CAMK1D: variants seen among roughly 807,000 people sequenced by gnomAD.
CAMK1D encodes the protein calcium/calmodulin-dependent protein kinase type 1D.
CAMK1D carries 9 observed loss-of-function variants against 47.7 expected under a neutral mutation model. The observed-to-expected ratio is 0.19, with a 90% CI of 0.11 to 0.33. The LOEUF is 0.33. Ranked by LOEUF, CAMK1D falls within the 10% of genes least tolerant of loss-of-function variation. The pLI is 1.00. For synonymous variants in CAMK1D, 184 were observed against 184.9 expected (o/e 0.99, Z 0.04); for missense variants, 291 against 488.7 (o/e 0.60, Z 3.81).
intron 5 of CAMK1D, among the ~76,000 whole-genome samples, chr10:12,773,144 A>T (rs2130941252): frequency 6.6e-6 from 1 of 152,304 alleles, no homozygotes; most frequent in South Asian, 2.1e-4. Flanking sequence ...CTGCACTGTG[A>T]GTCTCATGAA....
At chr10:12,517,042 C>G (rs1391919501) in intron 1 of CAMK1D, among the ~76,000 whole-genome samples, 3 of 152,124 alleles carry the variant, frequency 2.0e-5, no homozygotes, top group African/African-American at 4.8e-5. Flanking sequence ...TTTTGGTTTT[C>G]TTTGATTTCT....
intron 3 of CAMK1D, among the ~76,000 whole-genome samples, chr10:12,725,032 C>T (rs1478646119): frequency 6.6e-6 from 1 of 152,190 alleles, no homozygotes; most frequent in Non-Finnish European, 1.5e-5. Flanking sequence ...CAGGCACATC[C>T]GTCTAGTGTT....
At chr10:12,403,212 G>C (rs1839291419) in intron 1 of CAMK1D, among the ~76,000 whole-genome samples, 3 of 152,218 alleles carry the variant, frequency 2.0e-5, no homozygotes, top group South Asian at 4.1e-4. Flanking sequence ...GTGAAAAGTT[G>C]TGAGCTGGTG....
rs1322080134 is a variant in CAMK1D at position 12,832,652 on chromosome 10, C to T, written c.*3765C>T. 3 of 152,190 alleles carry T rather than the reference C, an allele frequency of 2.0e-5. No individual in the cohort carries two copies. Among genetic ancestry groups the T allele is most frequent in the Admixed American group, 6.5e-5 (1 of 15,274 alleles). 9.4% of individuals were successfully genotyped at this position (152,190 alleles called of 1,614,324 possible). On this transcript the variant is annotated 3_prime_UTR_variant, in exon 11 of 11. Transcript: ENST00000619168. Reference sequence around the variant, plus strand: ...GTTAAAAAAAGGAAGAGTGGCTTTGCGTTCTTGACCATGGCCACAATTCTG... The same window carrying T: ...GTTAAAAAAAGGAAGAGTGGCTTTGTGTTCTTGACCATGGCCACAATTCTG...
intron 1 of CAMK1D, among the ~76,000 whole-genome samples, chr10:12,532,291 T>C (rs1255420681): frequency 1.3e-5 from 2 of 151,530 alleles, no homozygotes; most frequent in African/African-American, 4.8e-5. Flanking sequence ...TTCTTTTTTT[T>C]TTTTTTGAGA....
At chr10:12,806,847 C>T (rs1473582966) in intron 6 of CAMK1D, among the ~76,000 whole-genome samples, 1 of 152,206 alleles carries the variant, frequency 6.6e-6, no homozygotes, top group Non-Finnish European at 1.5e-5. Flanking sequence ...CATCCACATA[C>T]ATACATGCTT....
At chr10:12,557,485 G>T (rs1977438) in intron 2 of CAMK1D, among the ~76,000 whole-genome samples, 47,139 of 148,812 alleles carry the variant, frequency 0.32, 7,496 homozygotes, top group Middle Eastern at 0.46. Context: ...CCGGGAGGCA[G>T]AGCTTGAAGT....
At chr10:12,377,203 A>AAAAAAAATT (rs1838210722) in intron 1 of CAMK1D, among the ~76,000 whole-genome samples, 1 of 148,962 alleles carries the variant, frequency 6.7e-6, no homozygotes, top group African/African-American at 2.5e-5. Context: ...CAAACAAATT[A>AAAAAAAATT]AAAAAAAAAT....
rs867502959 is a variant in CAMK1D, at chr10:12,791,109, C to T, written c.566-49C>T. 5.1e-6 allele frequency: 8 copies of T among 1,573,418 alleles called. 1 individual carries two copies. The Middle Eastern group carries it at 1.3e-3, about 263-fold the overall frequency. ...GCAGACCCCAAAAACTGTCTTCAGT[C>T]CGAGGCATGTAAATTGTCAGGCTGT... On this transcript the variant is annotated intron_variant, in intron 5 of 10. Coordinates refer to ENST00000619168, the MANE Select transcript of CAMK1D (RefSeq NM_153498.4).
chr10:12,659,066 T>G (rs1588747101), intron 2 of CAMK1D, among the ~76,000 whole-genome samples: 1 of 152,346 alleles, frequency 6.6e-6, no homozygotes, highest in South Asian at 2.1e-4. Context: ...CAGATGCTGC[T>G]GTGGGGTCGG....
chr10:12,764,394 A>AACAAAAC (rs1554822782), intron 4 of CAMK1D, among the ~76,000 whole-genome samples: 1 of 151,440 alleles, frequency 6.6e-6, no homozygotes, highest in Admixed American at 6.6e-5. Context: ...AAAAAAAAAA[A>AACAAAAC]AAAACATTGA....
At chr10:12,485,882 C>G (rs1158527735) in intron 1 of CAMK1D, among the ~76,000 whole-genome samples, 2 of 152,188 alleles carry the variant, frequency 1.3e-5, no homozygotes, top group Admixed American at 6.5e-5. Flanking sequence ...GTTCGCTTAA[C>G]AGAGCCAAAT....
chr10:12,780,403 A>G (rs1053308814), intron 5 of CAMK1D, among the ~76,000 whole-genome samples: 3 of 152,152 alleles, frequency 2.0e-5, no homozygotes, highest in Middle Eastern at 3.2e-3. Flanking sequence ...TATCTCCTGT[A>G]AATTTTTTTT....
At chr10:12,701,198 C>T (rs994124715) in intron 3 of CAMK1D, among the ~76,000 whole-genome samples, 6 of 151,890 alleles carry the variant, frequency 4.0e-5, no homozygotes, top group Admixed American at 6.6e-5. Flanking sequence ...CTGCAACCTC[C>T]GCCTCCGGGG....
intron 2 of CAMK1D, among the ~76,000 whole-genome samples, chr10:12,598,969 G>T (rs1413867540): frequency 6.6e-6 from 1 of 152,160 alleles, no homozygotes; most frequent in Non-Finnish European, 1.5e-5. Flanking sequence ...GAATTAGCAC[G>T]AATGTACACA....
intron 6 of CAMK1D, among the ~76,000 whole-genome samples, chr10:12,808,766 G>A (rs1832475895): frequency 6.6e-6 from 1 of 151,988 alleles, no homozygotes; most frequent in Non-Finnish European, 1.5e-5. Flanking sequence ...CAACAAGAGC[G>A]AAACTCCTTC....
intron 1 of CAMK1D, among the ~76,000 whole-genome samples, chr10:12,375,660 C>T (rs565013062): frequency 2.0e-5 from 3 of 152,176 alleles, no homozygotes; most frequent in Admixed American, 2.0e-4. Flanking sequence ...TGTTGGGTAT[C>T]CCGATTGCCT....
At position 12,803,015 on chromosome 10, in the gene CAMK1D, T is replaced by C. The variant is rs529612166; in HGVS notation, c.642-11180T>C. On this transcript the variant is annotated intron_variant, in intron 6 of 10. Transcript: ENST00000619168. ...GGTTAATATGACCTGGCTCTGGAGT[T>C]GGACAAAGAGACTAAAATTCTGTGC... is the stretch of plus-strand genomic sequence containing the variant. Among the ~76,000 whole-genome samples, 89 of 152,378 alleles carry C rather than the reference T, an allele frequency of 5.8e-4. No individual in the cohort carries two copies. In the South Asian group the frequency reaches 0.018, roughly 30 times the overall value.
chr10:12,772,646 C>T (rs769459621), intron 5 of CAMK1D, among the ~76,000 whole-genome samples: 5 of 152,122 alleles, frequency 3.3e-5, no homozygotes, highest in Non-Finnish European at 7.4e-5. Context: ...ACTGACGTGT[C>T]GGGAATGGTG....
Sources: allele counts gnomAD v4.1 joint callset (sites outside exome capture counted in the v4.1 genomes callset), GRCh38; gene constraint gnomAD v4.1.1; transcripts MANE v1.5; gene names NCBI Gene and HGNC (gene_info 2026-07-23, HGNC 2026-07-21).